Variants in LRRC4C observed in about 807,000 individuals in gnomAD.
The protein encoded by LRRC4C is leucine-rich repeat-containing protein 4C.
Under a neutral mutation model 33.6 loss-of-function variants are expected in LRRC4C, and 5 were observed. The observed-to-expected ratio is 0.15, with a 90% CI of 0.08 to 0.31. LRRC4C has a LOEUF of 0.31. Ranked by LOEUF, LRRC4C falls within the 10% of genes least tolerant of loss-of-function variation. The probability of loss-of-function intolerance (pLI) is 1.00; values close to 1 mark genes in which losing one functional copy is unlikely to be tolerated. For synonymous variants in LRRC4C, 329 were observed against 302.0 expected, an observed-to-expected ratio of 1.09 and a Z score of -0.93; for missense variants, 560 against 796.7, an observed-to-expected ratio of 0.70 and a Z score of 3.58.
In LRRC4C at chr11:40,983,500, C is replaced by G. The variant is rs189299480; in HGVS notation, c.-495-49777G>C. Among the ~76,000 whole-genome samples, 8 of 152,212 alleles carry G rather than the reference C, an allele frequency of 5.3e-5. 1 individual carries two copies. The East Asian group carries it at 1.5e-3, about 29-fold the overall frequency. ...ACTCCAAAAGCAATTGCAACAAAAGCAAAATCTGACAAATGGGATTTAATT... is the reference window on the plus strand; with the variant it reads ...ACTCCAAAAGCAATTGCAACAAAAGGAAAATCTGACAAATGGGATTTAATT... On this transcript the variant is annotated intron_variant, in intron 1 of 6. Transcript: ENST00000528697.
At chr11:41,435,717 C>T (rs1184323554) in intron 1 of LRRC4C, among the ~76,000 whole-genome samples, 2 of 152,162 alleles carry the variant, frequency 1.3e-5, no homozygotes, top group African/African-American at 4.8e-5. Context: ...TGTAGGTCAT[C>T]ATTTCCCAAG....
At chr11:41,166,415 C>T (rs183710826) in intron 1 of LRRC4C, among the ~76,000 whole-genome samples, 26 of 152,250 alleles carry the variant, frequency 1.7e-4, no homozygotes, top group African/African-American at 2.9e-4. Context: ...GACCACAGAA[C>T]GACATATAGT....
intron 3 of LRRC4C, among the ~76,000 whole-genome samples, chr11:40,512,762 A>G (rs747342400): frequency 1.2e-4 from 19 of 152,160 alleles, no homozygotes; most frequent in Non-Finnish European, 2.6e-4. Context: ...TGATAAATCA[A>G]GTCACTTTAT....
intron 3 of LRRC4C, among the ~76,000 whole-genome samples, chr11:40,354,863 A>G (rs537147345): frequency 2.6e-5 from 4 of 152,176 alleles, no homozygotes; most frequent in Non-Finnish European, 4.4e-5. Context: ...GCTGTAAGAC[A>G]AAGTCCCCTT....
intron 2 of LRRC4C, among the ~76,000 whole-genome samples, chr11:40,731,082 G>T (rs1199828894): frequency 3.3e-5 from 5 of 152,194 alleles, no homozygotes; most frequent in Admixed American, 6.5e-5. Flanking sequence ...CATTCTGGGA[G>T]GCCAAGGCAG....
In LRRC4C at chr11:40,748,732, G is replaced by C. The variant is rs2136965998; in HGVS notation, c.-406-100454C>G. On this transcript the variant is annotated intron_variant, in intron 2 of 6. Transcript: ENST00000528697. ...TAATCTAACTATATGCTGCCTACTA[G>C]AAACGCACTTTACCTATAAAGACAC... 1.3e-5 allele frequency among the ~76,000 whole-genome samples: 2 copies of C among 152,124 alleles called. 1 individual carries two copies. The highest frequency in any genetic ancestry group is 4.1e-4 in the South Asian group (2 of 4,820).
At chr11:40,132,478 C>T (rs1385299272) in intron 6 of LRRC4C, among the ~76,000 whole-genome samples, 1 of 152,146 alleles carries the variant, frequency 6.6e-6, no homozygotes, top group Non-Finnish European at 1.5e-5. Flanking sequence ...AAATAAGGTC[C>T]TGTGCTCCCT....
In LRRC4C at chr11:40,304,742, T is replaced by C. The variant is rs545060823; in HGVS notation, c.-176+14886A>G. Among the ~76,000 whole-genome samples the C allele has an allele frequency of 7.9e-5, 12 of 152,092 alleles. No individual in the cohort carries two copies. The South Asian group carries it at 2.1e-3, about 26-fold the overall frequency. ...TTCTTTTAGACTTTCAACCTTTTTTTTTTTTTTGAGACAGAGTCTTGCTCT... is the reference window on the plus strand; with the variant it reads ...TTCTTTTAGACTTTCAACCTTTTTTCTTTTTTTGAGACAGAGTCTTGCTCT... On this transcript the variant is annotated intron_variant, in intron 4 of 6. Transcript: ENST00000528697.
intron 2 of LRRC4C, among the ~76,000 whole-genome samples, chr11:40,787,727 G>T (rs1950471925): frequency 6.6e-6 from 1 of 152,194 alleles, no homozygotes; most frequent in Non-Finnish European, 1.5e-5. Context: ...TTAAATATAT[G>T]CTTAAACTAC....
chr11:41,319,588 G>A (rs1950895576), intron 1 of LRRC4C, among the ~76,000 whole-genome samples: 1 of 152,142 alleles, frequency 6.6e-6, no homozygotes, highest in South Asian at 2.1e-4. Flanking sequence ...TGTCACCCAG[G>A]CTGGAGTGTC....
At chr11:40,492,017 T>C (rs957906808) in intron 3 of LRRC4C, among the ~76,000 whole-genome samples, 2 of 152,200 alleles carry the variant, frequency 1.3e-5, no homozygotes, top group African/African-American at 2.4e-5. Context: ...CACAGTTTAT[T>C]AGAGACTATG....
chr11:41,061,372 G>C (rs547811301), intron 1 of LRRC4C, among the ~76,000 whole-genome samples: 5 of 152,154 alleles, frequency 3.3e-5, no homozygotes, highest in Admixed American at 2.0e-4. Flanking sequence ...AAAATAACAA[G>C]GGAAGGGAGA....
intron 2 of LRRC4C, among the ~76,000 whole-genome samples, chr11:40,839,259 G>A (rs1211465727): frequency 6.6e-6 from 1 of 151,842 alleles, no homozygotes; most frequent in Non-Finnish European, 1.5e-5. Context: ...TTTTGAGACA[G>A]ATTCTCACTC....
intron 1 of LRRC4C, among the ~76,000 whole-genome samples, chr11:41,083,703 C>T (rs530124413): frequency 1.3e-5 from 2 of 152,276 alleles, no homozygotes; most frequent in East Asian, 3.9e-4. Context: ...GGAATAAAAA[C>T]ACTGTAGTGG....
At chr11:41,198,762 C>T (rs755830088) in intron 1 of LRRC4C, among the ~76,000 whole-genome samples, 2 of 151,818 alleles carry the variant, frequency 1.3e-5, no homozygotes, top group Non-Finnish European at 2.9e-5. Flanking sequence ...TTCTTTACAG[C>T]GGTAGAAGTC....
chr11:41,440,064 G>A (rs1008688212), intron 1 of LRRC4C, among the ~76,000 whole-genome samples: 2 of 152,008 alleles, frequency 1.3e-5, no homozygotes, highest in Non-Finnish European at 2.9e-5. Context: ...CTTTGCCTAG[G>A]CCAATGTCCA....
At chr11:40,296,186 T>A (rs1389640288) in intron 4 of LRRC4C, among the ~76,000 whole-genome samples, 1 of 152,186 alleles carries the variant, frequency 6.6e-6, no homozygotes, top group Non-Finnish European at 1.5e-5. Context: ...AGGAACAGCT[T>A]CTCTTTCCTG....
intron 1 of LRRC4C, among the ~76,000 whole-genome samples, chr11:40,991,755 T>G (rs1853583544): frequency 6.6e-6 from 1 of 152,218 alleles, no homozygotes; most frequent in East Asian, 1.9e-4. Flanking sequence ...ATAGGGTTTG[T>G]GCTCCTTTGA....
intron 1 of LRRC4C, among the ~76,000 whole-genome samples, chr11:41,012,432 A>G (rs1855269737): frequency 6.6e-6 from 1 of 152,160 alleles, no homozygotes; most frequent in African/African-American, 2.4e-5. Flanking sequence ...TTTATGGCCA[A>G]ATAATATTCA....
Sources: gnomAD v4.1 joint callset for allele counts (sites outside exome capture counted in the v4.1 genomes callset) on GRCh38, gnomAD v4.1.1 for gene constraint, MANE v1.5 for transcripts, NCBI Gene and HGNC (gene_info 2026-07-23, HGNC 2026-07-21) for gene names.